Variants in ATXN2 observed in about 807,000 individuals in gnomAD.
The protein encoded by ATXN2 is ataxin-2.
A neutral mutation model predicts 138.6 loss-of-function variants in ATXN2; 37 were observed. That is an observed-to-expected ratio of 0.27 (90% CI 0.21 to 0.35). The LOEUF (loss-of-function observed/expected upper bound fraction) is 0.35, where lower values mean the gene tolerates loss of function less well. Ranked by LOEUF, ATXN2 falls within the 10% of genes least tolerant of loss-of-function variation. ATXN2 has a pLI of 1.00. For synonymous variants in ATXN2, 549 were observed against 543.7 expected (o/e 1.01, Z -0.13); for missense variants, 1,216 against 1,480.3 (o/e 0.82, Z 2.93).
At chr12:111,513,243 C>G (rs1879648159) in intron 11 of ATXN2, 114 bp downstream of exon 11, 1 of 1,213,468 alleles carries the variant, frequency 8.2e-7, no homozygotes, top group Non-Finnish European at 1.1e-6. Context: ...GGTGATTCTA[C>G]TATTTTTAAC....
At chr12:111,596,235 C>CAG (rs1884934412) in intron 1 of ATXN2, among the ~76,000 whole-genome samples, 3 of 143,990 alleles carry the variant, frequency 2.1e-5, no homozygotes, top group Non-Finnish European at 2.9e-5. Context: ...CACACACACA[C>CAG]ACACACACAC....
chr12:111,592,843 CG>C (rs1278833494), intron 1 of ATXN2, among the ~76,000 whole-genome samples: 1 of 142,982 alleles, frequency 7.0e-6, no homozygotes, highest in African/African-American at 2.6e-5. Flanking sequence ...TTTACATCTC[CG>C]TTGAAGTTGT....
chr12:111,488,978 G>C (rs971541078), intron 14 of ATXN2, among the ~76,000 whole-genome samples, 198 bp from the exon 15 acceptor site: 2 of 152,060 alleles, frequency 1.3e-5, no homozygotes, highest in Admixed American at 6.6e-5. Flanking sequence ...AGTCACCAAA[G>C]CACTCAAATG....
rs902183519 is a variant in ATXN2 at position 111,581,474 on chromosome 12, G to C, written c.251+17310C>G. 2.0e-5 allele frequency: 19 copies of C among 947,194 alleles called. No individual in the cohort carries two copies. The Admixed American group carries it at 2.9e-4, about 15-fold the overall frequency. 58.7% of individuals were successfully genotyped at this position (947,194 alleles called of 1,614,324 possible). On this transcript the variant is annotated intron_variant, in intron 1 of 24. Transcript: ENST00000673436. ...GGAGGAGCAAGAGGTGGCTGTGCTG[G>C]GGGCACCCCACAACCCTGCTCCCCC...
chr12:111,571,027 G>A (rs1883284011), intron 1 of ATXN2, among the ~76,000 whole-genome samples: 1 of 152,168 alleles, frequency 6.6e-6, no homozygotes, highest in Non-Finnish European at 1.5e-5. Flanking sequence ...TACTTGCCAG[G>A]CATTGCTTTA....
chr12:111,543,180 A>C (rs1015210623), intron 5 of ATXN2, among the ~76,000 whole-genome samples: 3 of 152,126 alleles, frequency 2.0e-5, no homozygotes, highest in African/African-American at 7.2e-5. Flanking sequence ...CCCAGAATGA[A>C]CACATATCTG....
chr12:111,562,480 G>A (rs978314724), intron 1 of ATXN2, among the ~76,000 whole-genome samples: 2 of 151,830 alleles, frequency 1.3e-5, no homozygotes, highest in African/African-American at 4.8e-5. Context: ...TAGCACTCTG[G>A]GAGGCTGAGG....
intron 8 of ATXN2, 36 bp downstream of exon 8, chr12:111,519,843 T>C (rs1390283695): frequency 6.2e-7 from 1 of 1,613,674 alleles, no homozygotes; most frequent in African/African-American, 1.3e-5. Context: ...TTGAGTTGTG[T>C]ATCCAAAATA....
At chr12:111,463,228 T>C (rs1388145467) in intron 21 of ATXN2, among the ~76,000 whole-genome samples, 1 of 152,194 alleles carries the variant, frequency 6.6e-6, no homozygotes, top group African/African-American at 2.4e-5. Context: ...TGGCACAAAT[T>C]TCTAAAGGAT....
chr12:111,585,207 A>G (rs11065960), intron 1 of ATXN2, among the ~76,000 whole-genome samples: 10,303 of 152,206 alleles, frequency 0.068, 1,279 homozygotes, highest in East Asian at 0.57. Context: ...ATATACAGCT[A>G]TAAACTTACA....
At position 111,552,829 on chromosome 12, in the gene ATXN2, C is replaced by T. The variant is rs986088165; in HGVS notation, c.420+77G>A. ...TGAGAAGTAAAATCATTCAAAGTGG[C>T]TTTAAAAACTAGGTAAAACACTGAC... On this transcript the variant is annotated intron_variant, in intron 4 of 24. Coordinates refer to ENST00000673436, the MANE Select transcript of ATXN2 (RefSeq NM_001372574.1). This position sits in a 1 kb window ranked among gnomAD's most constrained non-coding sequence, Gnocchi z 4.1. The T allele has an allele frequency of 1.7e-4, 163 of 973,412 alleles. No homozygotes were observed. The South Asian group carries it at 2.4e-3, about 14-fold the overall frequency. The allele number at this position is 973,412 out of a possible 1,614,324, so 60.3% of individuals were successfully genotyped here. A position where few individuals can be genotyped will look rare whatever the true frequency, so the allele number is the denominator to read the frequency against.
intron 6 of ATXN2, 30 bp downstream of exon 6, chr12:111,525,162 T>G (rs1001631264): frequency 1.3e-6 from 2 of 1,595,902 alleles, no homozygotes; most frequent in Non-Finnish European, 1.7e-6. Context: ...CTGACCAGAG[T>G]CTAGCAATAA....
At position 111,547,672 on chromosome 12, in the gene ATXN2, C is replaced by A. The variant is rs142151980; in HGVS notation, c.571+4608G>T. Among the ~76,000 whole-genome samples, 1,408 of 150,674 alleles carry A rather than the reference C, an allele frequency of 9.3e-3. 25 individuals are homozygous for A. Among genetic ancestry groups the A allele is most frequent in the African/African-American group, 0.032 (1,328 of 40,966 alleles). On this transcript the variant is annotated intron_variant, in intron 5 of 24. Transcript: ENST00000673436. ...CCCAGAAGGCGGAGGTTGCAGTGAG[C>A]GAAGATTGCACCATTGCACTCCAGC... is the stretch of plus-strand genomic sequence containing the variant.
intron 1 of ATXN2, among the ~76,000 whole-genome samples, chr12:111,574,313 A>G (rs1184720205): frequency 6.6e-6 from 1 of 150,450 alleles, no homozygotes; most frequent in African/African-American, 2.4e-5. Context: ...GTCTCCAAAA[A>G]AAAAAAAAAA....
intron 1 of ATXN2, among the ~76,000 whole-genome samples, chr12:111,560,446 G>T (rs1882620167): frequency 6.6e-6 from 1 of 152,070 alleles, no homozygotes; most frequent in African/African-American, 2.4e-5. Context: ...AGGACACCAA[G>T]AAATGACTAC....
At chr12:111,469,252 G>A (rs1393044639) in intron 20 of ATXN2, 2 of 152,044 alleles carry the variant, frequency 1.3e-5, no homozygotes, top group Non-Finnish European at 2.9e-5. Flanking sequence ...CGACACTACG[G>A]TAGTTCTCAG....
intron 1 of ATXN2, among the ~76,000 whole-genome samples, chr12:111,581,073 T>C (rs1035918557): frequency 6.7e-5 from 9 of 134,840 alleles, no homozygotes; most frequent in African/African-American, 2.0e-4. Flanking sequence ...GAGGTGGAGG[T>C]TGCAAGGAGC....
At position 111,535,108 on chromosome 12, in the gene ATXN2, A is replaced by G. The variant is rs192289682; in HGVS notation, c.572-9792T>C. Among the ~76,000 whole-genome samples, 229 of 152,326 alleles carry G rather than the reference A, an allele frequency of 1.5e-3. 2 individuals carry two copies. Among genetic ancestry groups the G allele is most frequent in the African/African-American group, 5.4e-3 (223 of 41,560 alleles). Reference sequence around the variant, plus strand: ...GCCACTGCATTCTAGTAGGGGTGACAGAGAGAGACCCTTTCTCAACAAATA... The same window carrying G: ...GCCACTGCATTCTAGTAGGGGTGACGGAGAGAGACCCTTTCTCAACAAATA... On this transcript the variant is annotated intron_variant, in intron 5 of 24. Coordinates refer to ENST00000673436, the MANE Select transcript of ATXN2 (RefSeq NM_001372574.1).
Position 111,572,927 on chromosome 12 carries a change from T to C in ATXN2, c.252-17008A>G, listed in dbSNP as rs188892533. 1.8e-4 allele frequency among the ~76,000 whole-genome samples: 27 copies of C among 152,222 alleles called. No homozygotes were observed. In the East Asian group the frequency reaches 3.3e-3, roughly 19 times the overall value. On this transcript the variant is annotated intron_variant, in intron 1 of 24. Transcript: ENST00000673436. Reference sequence around the variant, plus strand: ...ACAAACACATTCACAGCCCATGATATCGTACAACACTACTTTTTAGTTCAA... The same window carrying C: ...ACAAACACATTCACAGCCCATGATACCGTACAACACTACTTTTTAGTTCAA...
Sources: gnomAD v4.1 joint callset for allele counts (sites outside exome capture counted in the v4.1 genomes callset) on GRCh38, gnomAD v4.1.1 for gene constraint, Gnocchi (gnomAD v3.1) non-coding constraint, MANE v1.5 for transcripts, NCBI Gene and HGNC (gene_info 2026-07-23, HGNC 2026-07-21) for gene names.